The following ZMYM5 variants were observed in gnomAD, a reference collection of about 807,000 sequenced individuals.
ZMYM5 encodes the protein zinc finger MYM-type protein 5.
A neutral mutation model predicts 61.8 loss-of-function variants in ZMYM5; 41 were observed. The ratio of observed to expected loss-of-function variants is 0.66; its 90% CI spans 0.52 to 0.86. The LOEUF (loss-of-function observed/expected upper bound fraction) is 0.86, where lower values mean the gene tolerates loss of function less well. ZMYM5 is among the 40% of genes least tolerant of loss of function. The pLI, the probability that ZMYM5 is intolerant of heterozygous loss-of-function variation, is 0.00. For synonymous variants in ZMYM5, 257 were observed against 276.4 expected (o/e 0.93, Z 0.70); for missense variants, 706 against 786.7 (o/e 0.90, Z 1.23).
chr13:19,835,673 C>T lies in ZMYM5; in HGVS notation c.1055G>A (p.Ser352Asn). The change falls in exon 7 of 8, where the codon AGC becomes AAC. Residue 352 changes from serine to asparagine, a missense_variant. Coordinates refer to ENST00000337963, the MANE Select transcript of ZMYM5 (RefSeq NM_001142684.2). ...SKLAEIRHEV[S>N]VNNVTHKLCS... The stretch of plus-strand genomic sequence containing the variant: ...CAGTTTATGTGTTACATTATTTACG[C>T]TGACTTCATGGCGAATCTAAAAGAA... 7.3e-7 allele frequency: 1 copy of T among 1,367,560 alleles called. No homozygotes were observed. The highest frequency in any genetic ancestry group is 9.8e-7 in the Non-Finnish European group (1 of 1,021,828). 84.7% of individuals were successfully genotyped at this position (1,367,560 alleles called of 1,614,324 possible). A position where few individuals can be genotyped will look rare whatever the true frequency, so the allele number is the denominator to read the frequency against.
At chr13:19,834,754 G>T (rs570469766) in intron 7 of ZMYM5, among the ~76,000 whole-genome samples, 8 of 152,208 alleles carry the variant, frequency 5.3e-5, no homozygotes, top group African/African-American at 1.9e-4. Context: ...GCAGTGGCAT[G>T]ATCTCGGGTT....
chr13:19,848,335 T>C (rs1177441178), intron 4 of ZMYM5, among the ~76,000 whole-genome samples: 2 of 151,868 alleles, frequency 1.3e-5, no homozygotes, highest in African/African-American at 4.8e-5. Flanking sequence ...GGATGGAGTG[T>C]AGTGTTGTGA....
At chr13:19,838,662 T>C (rs1952752831) in intron 5 of ZMYM5, 38 bp downstream of exon 5, 5 of 1,602,668 alleles carry the variant, frequency 3.1e-6, no homozygotes, top group South Asian at 1.1e-5. Flanking sequence ...ACCATTAGTA[T>C]TCAACTATGT....
chr13:19,829,531 T>C (rs986917981), intron 7 of ZMYM5, among the ~76,000 whole-genome samples: 16 of 152,030 alleles, frequency 1.1e-4, no homozygotes, highest in Non-Finnish European at 1.5e-5. Context: ...GCTCAAGCAA[T>C]CCTCTTGCCT....
rs781763683 is a variant in ZMYM5 at position 19,839,002 on chromosome 13, G to GA, written c.587-18dup. 3.8e-6 allele frequency: 6 copies of GA among 1,590,308 alleles called. No individual in the cohort carries two copies. The African/African-American group carries it at 4.1e-5, about 11-fold the overall frequency. On this transcript the variant is annotated splice_polypyrimidine_tract_variant and intron_variant, in intron 4 of 7. Coordinates refer to ENST00000337963, the MANE Select transcript of ZMYM5 (RefSeq NM_001142684.2). ...TCCAAGAATCTTAAAAATGAAACAA[G>GA]AAAAAAATCATGGAACAAATCAAAA...
chr13:19,823,992 C>A lies in ZMYM5; in HGVS notation c.*485G>T, dbSNP rs1162600339. 6.6e-6 allele frequency: 1 copy of A among 152,300 alleles called. No individual in the cohort carries two copies. The highest frequency in any genetic ancestry group is 1.5e-5 in the Non-Finnish European group (1 of 68,156). 9.4% of individuals were successfully genotyped at this position (152,300 alleles called of 1,614,324 possible). A position where few individuals can be genotyped will look rare whatever the true frequency, so the allele number is the denominator to read the frequency against. The stretch of plus-strand genomic sequence containing the variant: ...TAGCTGGGACTACAGGTGTGTGCCA[C>A]CACACCTGGCTAATTTTTGTATTTT... On this transcript the variant is annotated 3_prime_UTR_variant, in exon 8 of 8. Transcript: ENST00000337963.
intron 4 of ZMYM5, among the ~76,000 whole-genome samples, chr13:19,846,576 A>G (rs965316738): frequency 2.0e-5 from 3 of 152,172 alleles, no homozygotes; most frequent in Non-Finnish European, 4.4e-5. Context: ...AATTTTTGGA[A>G]GCCTGTATCC....
At chr13:19,860,172 C>T (rs1423581404) in intron 2 of ZMYM5, among the ~76,000 whole-genome samples, 1 of 147,572 alleles carries the variant, frequency 6.8e-6, no homozygotes, top group Non-Finnish European at 1.5e-5. Flanking sequence ...GTCGCCCAGG[C>T]TGGAGTGCAG....
At chr13:19,846,871 G>A (rs778047637) in intron 4 of ZMYM5, among the ~76,000 whole-genome samples, 4 of 151,956 alleles carry the variant, frequency 2.6e-5, no homozygotes, top group Non-Finnish European at 2.9e-5. Context: ...AGGCTGCAGT[G>A]AGCTATGATC....
Position 19,825,269 on chromosome 13 carries a change from G to A in ZMYM5, c.1252-34C>T. ...AAAGAGGATTATAATTTTATTTTAG[G>A]TTAAACTTTTAAAAATTAATGTATA... On this transcript the variant is annotated intron_variant, in intron 7 of 7. Coordinates refer to ENST00000337963, the MANE Select transcript of ZMYM5 (RefSeq NM_001142684.2). 3 of 1,206,560 alleles carry A rather than the reference G, an allele frequency of 2.5e-6. No individual in the cohort carries two copies. The South Asian group carries it at 4.7e-5, about 19-fold the overall frequency. The allele number at this position is 1,206,560 out of a possible 1,614,324, so 74.7% of individuals were successfully genotyped here.
At chr13:19,828,509 CA>C (rs1485344874) in intron 7 of ZMYM5, among the ~76,000 whole-genome samples, 1 of 151,932 alleles carries the variant, frequency 6.6e-6, no homozygotes. Flanking sequence ...TGATATGATC[CA>C]ATAAATAAAT....
At position 19,846,863 on chromosome 13, in the gene ZMYM5, G is replaced by A. The variant is rs55713817; in HGVS notation, c.586+4492C>T. 5.7e-3 allele frequency among the ~76,000 whole-genome samples: 866 copies of A among 152,080 alleles called. 8 individuals are homozygous for A. Among genetic ancestry groups the A allele is most frequent in the Non-Finnish European group, 8.9e-3 (607 of 68,012 alleles). On this transcript the variant is annotated intron_variant, in intron 4 of 7. Coordinates refer to ENST00000337963, the MANE Select transcript of ZMYM5 (RefSeq NM_001142684.2). ...GATAACTTGAGCCCAGAAGTTTGAG[G>A]CTGCAGTGAGCTATGATCATGGCAC...
intron 2 of ZMYM5, among the ~76,000 whole-genome samples, chr13:19,859,177 G>A (rs1490341547): frequency 6.6e-6 from 1 of 152,016 alleles, no homozygotes; most frequent in African/African-American, 2.4e-5. Flanking sequence ...CAGAGAGCTG[G>A]CATCCAGACT....
intron 4 of ZMYM5, among the ~76,000 whole-genome samples, chr13:19,847,888 C>G (rs959594101): frequency 6.8e-6 from 1 of 148,096 alleles, no homozygotes; most frequent in Non-Finnish European, 1.5e-5. Context: ...CTCCTGACCT[C>G]GTGATCCGCC....
intron 2 of ZMYM5, among the ~76,000 whole-genome samples, chr13:19,854,645 A>C (rs893578171): frequency 3.5e-4 from 52 of 150,358 alleles, no homozygotes; most frequent in East Asian, 3.3e-3. Flanking sequence ...AAAAAAAAAA[A>C]CCTCAATGTA....
intron 4 of ZMYM5, among the ~76,000 whole-genome samples, chr13:19,844,874 C>T (rs879514834): frequency 2.0e-5 from 3 of 152,172 alleles, no homozygotes; most frequent in Admixed American, 6.6e-5. Context: ...CCACCCGCTT[C>T]GGCCTCCCAA....
At chr13:19,859,950 C>T (rs1365960322) in intron 2 of ZMYM5, among the ~76,000 whole-genome samples, 2 of 149,310 alleles carry the variant, frequency 1.3e-5, no homozygotes, top group Admixed American at 6.7e-5. Flanking sequence ...ACTAAAAATA[C>T]AACAATTAGC....
In ZMYM5 at chr13:19,824,388, A is replaced by G. The variant is rs1024554345; in HGVS notation, c.*89T>C. The G allele has an allele frequency of 1.6e-5, 18 of 1,123,014 alleles. No homozygotes were observed. The highest frequency in any genetic ancestry group is 2.0e-5 in the Non-Finnish European group (18 of 896,860). 69.6% of individuals were successfully genotyped at this position (1,123,014 alleles called of 1,614,324 possible). On this transcript the variant is annotated 3_prime_UTR_variant, in exon 8 of 8. Coordinates refer to ENST00000337963, the MANE Select transcript of ZMYM5 (RefSeq NM_001142684.2). ...GCAAGTTACTCTGTAGAGGAGACTT[A>G]CAACACAATAGTACTGACTATTGCA...
At chr13:19,849,196 C>A (rs533171552) in intron 4 of ZMYM5, among the ~76,000 whole-genome samples, 2 of 152,090 alleles carry the variant, frequency 1.3e-5, no homozygotes, top group Admixed American at 6.6e-5. Context: ...AGGATTAAAG[C>A]GCAATGTGAC....
Sources: allele counts gnomAD v4.1 joint callset (sites outside exome capture counted in the v4.1 genomes callset), GRCh38; gene constraint gnomAD v4.1.1; transcripts MANE v1.5; gene names NCBI Gene and HGNC (gene_info 2026-07-23, HGNC 2026-07-21).